ZNHIT3: variants seen among roughly 807,000 people sequenced by gnomAD.
ZNHIT3 encodes zinc finger HIT domain-containing protein 3.
A neutral mutation model predicts 19.9 loss-of-function variants in ZNHIT3; 27 were observed. That is an observed-to-expected ratio of 1.36 (90% CI 1.00 to 1.87). The LOEUF (loss-of-function observed/expected upper bound fraction) is 1.87. ZNHIT3 is among the 40% of genes most tolerant of loss of function. The pLI is 0.00. For synonymous variants in ZNHIT3, 81 were observed against 65.7 expected (o/e 1.23, Z -1.13); for missense variants, 215 against 185.6 (o/e 1.16, Z -0.92).
intron 2 of ZNHIT3, 107 bp downstream of exon 2, chr17:36,487,073 C>T (rs1479197798): frequency 3.3e-5 from 48 of 1,461,288 alleles, no homozygotes; most frequent in Non-Finnish European, 4.3e-5. Flanking sequence ...CCTTTCCCGC[C>T]TCGGGTCTCC....
chr17:36,496,037 A>G (rs1599167947), downstream of ZNHIT3: 5 of 785,418 alleles, frequency 6.4e-6, no homozygotes, highest in Admixed American at 3.1e-5. Flanking sequence ...TTTGGTAACT[A>G]CCAGCCCTGA....
chr17:36,486,741 C>A lies in ZNHIT3; in HGVS notation c.42C>A (p.Cys14Ter). 6.2e-7 allele frequency: 1 copy of A among 1,613,868 alleles called. No homozygotes were observed. The highest frequency in any genetic ancestry group is 1.7e-5 in the Admixed American group (1 of 60,006). Residue 14 changes from cysteine (C) to a stop codon, truncating the protein, a stop_gained, in exon 1 of 5, where the codon TGC (cysteine) becomes TGA (stop). Coordinates refer to ENST00000617429, the MANE Select transcript of ZNHIT3 (RefSeq NM_004773.4). LOFTEE classifies it high-confidence loss of function. Reference protein sequence around the residue: ...LKCSTVVCVICLEKPKYRCPA... With the variant: ...LKCSTVVCVI The stretch of plus-strand genomic sequence containing the variant: ...GTAGCACCGTCGTCTGCGTGATCTG[C>A]TTGGAGAAGCCCAAATACCGCTGTC...
At chr17:36,491,529 A>G (rs1017152067) in intron 2 of ZNHIT3, 2 of 151,592 alleles carry the variant, frequency 1.3e-5, no homozygotes, top group African/African-American at 4.9e-5. Flanking sequence ...CTGGTCTTGG[A>G]CTCCTGGGCT....
intron 2 of ZNHIT3, chr17:36,491,389 T>G (rs1257742939): frequency 2.6e-5 from 4 of 152,080 alleles, no homozygotes; most frequent in African/African-American, 9.7e-5. Context: ...TGGAGTGCAG[T>G]GGTGTGATCA....
downstream of ZNHIT3, chr17:36,499,065 TCTTA>T (rs574930249): frequency 3.0e-4 from 475 of 1,599,776 alleles, 2 homozygotes; most frequent in Middle Eastern, 1.7e-3. Flanking sequence ...ACTTCTTGGG[TCTTA>T]CTTACTCTCC....
At chr17:36,498,596 A>C, downstream of ZNHIT3, 1 of 1,559,402 alleles carries the variant, frequency 6.4e-7, no homozygotes, top group Non-Finnish European at 8.7e-7. Flanking sequence ...CTTTAGATTT[A>C]TCTAGCCCTC....
chr17:36,487,179 CAG>C (rs2070586332), intron 2 of ZNHIT3, among the ~76,000 whole-genome samples: 1 of 152,160 alleles, frequency 6.6e-6, no homozygotes, highest in African/African-American at 2.4e-5. Flanking sequence ...TAATCGCTCT[CAG>C]GGTTTTGGTC....
At chr17:36,494,731 C>A (rs993531914) in intron 4 of ZNHIT3, among the ~76,000 whole-genome samples, 1 of 151,736 alleles carries the variant, frequency 6.6e-6, no homozygotes, top group African/African-American at 2.4e-5. Context: ...TGGTTCCCTG[C>A]TACTGGTGCT....
chr17:36,492,642 T>C lies in ZNHIT3; in HGVS notation c.119-171T>C. On this transcript the variant is annotated intron_variant, in intron 2 of 4. Transcript: ENST00000617429. ...TGCTTTCTCAGCCTGCTGGCGGTTT[T>C]CCTTAATCTCTCTCTTGCTTTGATC... 5 of 633,986 alleles carry C rather than the reference T, an allele frequency of 7.9e-6. No homozygotes were observed. The South Asian group carries it at 9.7e-5, about 12-fold the overall frequency. The allele number at this position is 633,986 out of a possible 1,614,324, so 39.3% of individuals were successfully genotyped here. A position where few individuals can be genotyped will look rare whatever the true frequency, so the allele number is the denominator to read the frequency against.
chr17:36,492,713 C>G, intron 2 of ZNHIT3, 100 bp from the exon 3 acceptor site: 1 of 1,032,072 alleles, frequency 9.7e-7, no homozygotes, highest in South Asian at 1.4e-5. Context: ...ATCCCTTACC[C>G]CAGACACTTG....
chr17:36,495,143 G>T, intron 4 of ZNHIT3, 80 bp from the exon 5 acceptor site: 1 of 1,483,022 alleles, frequency 6.7e-7, no homozygotes, highest in Non-Finnish European at 9.0e-7. Flanking sequence ...TATTACACTT[G>T]AAATAGCTCT....
intron 2 of ZNHIT3, among the ~76,000 whole-genome samples, chr17:36,487,365 C>G (rs576061085): frequency 1.3e-5 from 2 of 152,156 alleles, no homozygotes; most frequent in African/African-American, 4.8e-5. Flanking sequence ...TATTTTCACT[C>G]GTGTAAATAA....
downstream of ZNHIT3, chr17:36,495,855 G>T: frequency 8.1e-7 from 1 of 1,240,306 alleles, no homozygotes; most frequent in African/African-American, 1.5e-5. Flanking sequence ...ATAACCACAA[G>T]ATTTTTCCCA....
In ZNHIT3 at chr17:36,495,210, T is replaced by C. The variant is rs2070869043; in HGVS notation, c.287-13T>C. Reference sequence around the variant, plus strand: ...TTGAACTCAGACTGGCTTTTTTTCTTGTTAATTTTTAGGGGAATCTGCAAC... The same window carrying C: ...TTGAACTCAGACTGGCTTTTTTTCTCGTTAATTTTTAGGGGAATCTGCAAC... On this transcript the variant is annotated splice_polypyrimidine_tract_variant and intron_variant, in intron 4 of 4. Coordinates refer to ENST00000617429, the MANE Select transcript of ZNHIT3 (RefSeq NM_004773.4). 1 of 1,552,566 alleles carries C rather than the reference T, an allele frequency of 6.4e-7. No individual in the cohort carries two copies. The highest frequency in any genetic ancestry group is 8.7e-7 in the Non-Finnish European group (1 of 1,153,118).
chr17:36,497,708 C>T (rs1302064600), downstream of ZNHIT3: 1 of 233,302 alleles, frequency 4.3e-6, no homozygotes, highest in African/African-American at 2.3e-5. Context: ...CCTCAGCCTC[C>T]CGAGCAGCTG....
chr17:36,499,094 C>G (rs370380838), downstream of ZNHIT3: 1 of 1,609,824 alleles, frequency 6.2e-7, no homozygotes, highest in Admixed American at 1.7e-5. Context: ...CTGCCATGCA[C>G]GCTTGATGAC....
chr17:36,499,117 A>G (rs1285982444), downstream of ZNHIT3: 1 of 1,610,832 alleles, frequency 6.2e-7, no homozygotes, highest in East Asian at 2.2e-5. Context: ...TGGCAGCTGC[A>G]TGCAGCCTCT....
intron 2 of ZNHIT3, chr17:36,490,169 G>A (rs1179809747): frequency 2.0e-5 from 3 of 151,952 alleles, no homozygotes; most frequent in Non-Finnish European, 4.4e-5. Context: ...CTAGACCAAT[G>A]TCCTGAAGCA....
At chr17:36,491,469 C>CA (rs2070724556) in intron 2 of ZNHIT3, 1 of 152,148 alleles carries the variant, frequency 6.6e-6, no homozygotes, top group Non-Finnish European at 1.5e-5. Context: ...GTAACGGAGA[C>CA]AAACTTTATC....
Sources: allele counts gnomAD v4.1 joint callset (sites outside exome capture counted in the v4.1 genomes callset), GRCh38; gene constraint gnomAD v4.1.1; transcripts MANE v1.5; gene names NCBI Gene and HGNC (gene_info 2026-07-23, HGNC 2026-07-21).